Variants in SNX29 observed in about 807,000 individuals in gnomAD.
SNX29 encodes sorting nexin 29.
SNX29 carries 78 observed loss-of-function variants against 102.1 expected under a neutral mutation model. That is an observed-to-expected ratio of 0.76 (90% CI 0.64 to 0.92). SNX29 has a LOEUF of 0.92. Among genes scored for constraint, SNX29 ranks in the 40% least tolerant of loss-of-function variants. The pLI is 0.00. For missense variants in SNX29, 1,280 were observed against 1,061.7 expected (o/e 1.21, Z -2.86); for synonymous variants, 580 against 414.5 (o/e 1.40, Z -4.85).
At chr16:12,192,068 T>C in intron 13 of SNX29, among the ~76,000 whole-genome samples, 1 of 152,246 alleles carries the variant, frequency 6.6e-6, no homozygotes, top group East Asian at 1.9e-4. Context: ...TCGTTAGTTT[T>C]GTTGTGAGTA....
At chr16:12,554,829 C>G (rs114326213) in intron 20 of SNX29, among the ~76,000 whole-genome samples, 2 of 152,160 alleles carry the variant, frequency 1.3e-5, no homozygotes, top group African/African-American at 2.4e-5. Context: ...TGCTCTGTGC[C>G]ATTCTTTCCG....
At chr16:12,210,832 T>C (rs548156994) in intron 14 of SNX29, among the ~76,000 whole-genome samples, 13 of 152,240 alleles carry the variant, frequency 8.5e-5, no homozygotes, top group African/African-American at 3.1e-4. Context: ...TTGTATTTGT[T>C]TGATGGGCTG....
intron 18 of SNX29, among the ~76,000 whole-genome samples, chr16:12,447,854 A>G (rs1385026430): frequency 6.6e-6 from 1 of 152,102 alleles, no homozygotes; most frequent in Non-Finnish European, 1.5e-5. Context: ...GCCCCTCTCA[A>G]CACACATCTG....
intron 11 of SNX29, among the ~76,000 whole-genome samples, chr16:12,092,888 G>C (rs1041169748): frequency 2.6e-5 from 4 of 152,134 alleles, no homozygotes; most frequent in Non-Finnish European, 4.4e-5. Context: ...ATGGCTTTTG[G>C]CTAGGCAAGC....
At chr16:12,361,561 A>G (rs1427306847) in intron 16 of SNX29, among the ~76,000 whole-genome samples, 5 of 152,170 alleles carry the variant, frequency 3.3e-5, no homozygotes, top group African/African-American at 7.2e-5. Context: ...TAATATTATG[A>G]TGGCCATTTT....
At chr16:12,491,005 A>G (rs190700356) in intron 19 of SNX29, among the ~76,000 whole-genome samples, 129 of 152,350 alleles carry the variant, frequency 8.5e-4, no homozygotes, top group Non-Finnish European at 1.3e-3. Context: ...CTTCACATCA[A>G]TGATACTTAT....
intron 11 of SNX29, chr16:12,093,717 T>C (rs1457588573): frequency 3.3e-5 from 5 of 152,210 alleles, no homozygotes; most frequent in African/African-American, 1.2e-4. Flanking sequence ...CTGGGAGTTA[T>C]ATGAAGTGTC....
intron 10 of SNX29, 39 bp from the exon 11 acceptor site, chr16:12,078,794 G>T: frequency 6.5e-7 from 1 of 1,549,158 alleles, no homozygotes; most frequent in Non-Finnish European, 8.8e-7. Flanking sequence ...TGTACTTTCA[G>T]TGGCCGAGTG....
chr16:12,059,490 G>A (rs911269319), intron 8 of SNX29, among the ~76,000 whole-genome samples: 2 of 152,220 alleles, frequency 1.3e-5, no homozygotes, highest in South Asian at 2.1e-4. Context: ...TGTGGTATGG[G>A]CATGGTTGAA....
chr16:12,544,887 T>A (rs2077516628), intron 20 of SNX29, among the ~76,000 whole-genome samples: 1 of 152,190 alleles, frequency 6.6e-6, no homozygotes, highest in African/African-American at 2.4e-5. Flanking sequence ...TGGCCTGTGG[T>A]CAGTGGGCCA....
At chr16:12,557,020 C>CCCCCCCCTA (rs1190942363) in intron 20 of SNX29, among the ~76,000 whole-genome samples, 2 of 37,206 alleles carry the variant, frequency 5.4e-5, no homozygotes, top group African/African-American at 1.7e-4. Context: ...AATTTACCCC[C>CCCCCCCCTA]CCCCCGCCCC....
At chr16:12,328,353 G>A (rs943142468) in intron 15 of SNX29, among the ~76,000 whole-genome samples, 14 of 152,180 alleles carry the variant, frequency 9.2e-5, no homozygotes, top group African/African-American at 3.4e-4. Context: ...TGCATTTGTG[G>A]TTTCATGTAT....
intron 20 of SNX29, among the ~76,000 whole-genome samples, chr16:12,538,840 G>A (rs148125966): frequency 1.3e-5 from 2 of 152,156 alleles, no homozygotes; most frequent in African/African-American, 2.4e-5. Context: ...AAAGTCACGT[G>A]GCAAAGAGGG....
intron 20 of SNX29, among the ~76,000 whole-genome samples, chr16:12,539,805 G>A (rs949435682): frequency 6.6e-6 from 1 of 152,212 alleles, no homozygotes; most frequent in African/African-American, 2.4e-5. Flanking sequence ...ATATTTTCAT[G>A]TGGATGTTTT....
intron 13 of SNX29, among the ~76,000 whole-genome samples, chr16:12,188,892 A>G (rs560723613): frequency 6.6e-6 from 1 of 152,292 alleles, no homozygotes; most frequent in Non-Finnish European, 1.5e-5. Flanking sequence ...ACTGGAAGGA[A>G]AGGAAAAGTT....
intron 18 of SNX29, among the ~76,000 whole-genome samples, chr16:12,465,335 G>C (rs527406852): frequency 2.0e-5 from 3 of 152,270 alleles, no homozygotes; most frequent in African/African-American, 4.8e-5. Context: ...CTTCTTCTAG[G>C]AGTTTTACAG....
At chr16:12,541,437 G>A (rs2077335399) in intron 20 of SNX29, among the ~76,000 whole-genome samples, 1 of 152,144 alleles carries the variant, frequency 6.6e-6, no homozygotes, top group Non-Finnish European at 1.5e-5. Context: ...GGTCATCAAT[G>A]TCTCAAAGGA....
intron 15 of SNX29, among the ~76,000 whole-genome samples, chr16:12,343,913 C>T (rs1209456658): frequency 6.6e-6 from 1 of 152,198 alleles, no homozygotes; most frequent in Non-Finnish European, 1.5e-5. Flanking sequence ...AGCTGTGTCC[C>T]CACCTAAATC....
At chr16:12,061,746 G>C in intron 9 of SNX29, 100 bp downstream of exon 9, 1 of 989,290 alleles carries the variant, frequency 1.0e-6, no homozygotes, top group Non-Finnish European at 1.5e-6. Flanking sequence ...ATGGGAGCCG[G>C]GAGGCACGGG....
Sources: allele counts gnomAD v4.1 joint callset (sites outside exome capture counted in the v4.1 genomes callset), GRCh38; gene constraint gnomAD v4.1.1; transcripts MANE v1.5; gene names NCBI Gene and HGNC (gene_info 2026-07-23, HGNC 2026-07-21).